Variants in TPR observed in about 807,000 individuals in gnomAD.
TPR encodes the protein nucleoprotein TPR.
A neutral mutation model predicts 316.1 loss-of-function variants in TPR; 51 were observed. The ratio of observed to expected loss-of-function variants is 0.16; its 90% CI spans 0.13 to 0.20. The LOEUF is 0.20. Ranked by LOEUF, TPR falls within the 10% of genes least tolerant of loss-of-function variation. TPR has a pLI of 1.00. For missense variants in TPR, 2,272 were observed against 2,754.8 expected (o/e 0.82, Z 3.92); for synonymous variants, 981 against 914.7 (o/e 1.07, Z -1.31).
rs1307471911 is a variant in TPR, at chr1:186,357,560, C to T, written c.1561G>A (p.Val521Ile). The T allele has an allele frequency of 6.2e-7, 1 of 1,613,966 alleles. No homozygotes were observed. Among genetic ancestry groups the T allele is most frequent in the African/African-American group, 1.3e-5 (1 of 74,892 alleles). The stretch of plus-strand genomic sequence containing the variant: ...GAACTACTTATATCAGCAGAGCTTA[C>T]TTCCTCATCACGAATTACGTGGTTA... ...RGNHVIRDEE[V>I]SSADISSSSE... The change falls in exon 14 of 51, where the codon GTA (valine) becomes ATA (isoleucine). Residue 521 changes from valine to isoleucine, a missense_variant. Val to Ile is a conservative substitution (Grantham distance 29). Coordinates refer to ENST00000367478, the MANE Select transcript of TPR (RefSeq NM_003292.3).
chr1:186,325,708 C>A, intron 42 of TPR, 56 bp downstream of exon 42: 5 of 1,401,542 alleles, frequency 3.6e-6, no homozygotes, highest in Non-Finnish European at 5.0e-6. Context: ...AAGTGCAATT[C>A]TAGTTTAGAA....
At chr1:186,335,624 T>C (rs1402898046) in intron 33 of TPR, 81 bp from the exon 34 acceptor site, 2 of 1,119,320 alleles carry the variant, frequency 1.8e-6, no homozygotes, top group African/African-American at 3.2e-5. Context: ...TGGCACATGG[T>C]CACATCAGAT....
Position 186,351,882 on chromosome 1 carries a change from G to A in TPR, c.2469+94C>T, listed in dbSNP as rs112145113. 6.3e-3 allele frequency: 8,698 copies of A among 1,391,594 alleles called. 49 individuals carry two copies. Among genetic ancestry groups the A allele is most frequent in the Middle Eastern group, 0.01 (41 of 4,066 alleles). 86.2% of individuals were successfully genotyped at this position (1,391,594 alleles called of 1,614,324 possible). The stretch of plus-strand genomic sequence containing the variant: ...GATCATAATGGATGACAAAAGTGAT[G>A]GATAAATTTTCTAATTAAGGAAATT... On this transcript the variant is annotated intron_variant, in intron 19 of 50. Coordinates refer to ENST00000367478, the MANE Select transcript of TPR (RefSeq NM_003292.3).
chr1:186,367,524 T>G (rs1659386949), intron 4 of TPR, among the ~76,000 whole-genome samples: 1 of 152,244 alleles, frequency 6.6e-6, no homozygotes, highest in South Asian at 2.1e-4. Context: ...TATTGAATGC[T>G]TATTATATAG....
chr1:186,364,065 A>G (rs1043077001), intron 4 of TPR, among the ~76,000 whole-genome samples: 1 of 152,196 alleles, frequency 6.6e-6, no homozygotes, highest in Non-Finnish European at 1.5e-5. Context: ...AAATTGCATA[A>G]TGCAGAAAAT....
Position 186,343,773 on chromosome 1 carries a change from T to C in TPR, c.3602+133A>G, listed in dbSNP as rs565270482. On this transcript the variant is annotated intron_variant, in intron 26 of 50. Transcript: ENST00000367478. Reference sequence around the variant, plus strand: ...TAATATGTGTAAATGTTAAAAGTTATGAGTTCTTTGACAAATAAAAGAATG... The same window carrying C: ...TAATATGTGTAAATGTTAAAAGTTACGAGTTCTTTGACAAATAAAAGAATG... 2.2e-4 allele frequency: 200 copies of C among 921,954 alleles called. No homozygotes were observed. The African/African-American group carries it at 3.0e-3, about 14-fold the overall frequency. 57.1% of individuals were successfully genotyped at this position (921,954 alleles called of 1,614,324 possible). A position where few individuals can be genotyped will look rare whatever the true frequency, so the allele number is the denominator to read the frequency against.
Position 186,323,809 on chromosome 1 carries a change from CTGT to C in TPR, c.6171_6173del (p.Gln2058del), listed in dbSNP as rs1356055278. ...CCTGTCTTTCAGATGCTGATGATGG[CTGT>C]TGTTCTCTAGAAACCTCCTGAGAAA... On this transcript the variant is annotated inframe_deletion, in exon 43 of 51. Coordinates refer to ENST00000367478, the MANE Select transcript of TPR (RefSeq NM_003292.3). 6.4e-7 allele frequency: 1 copy of C among 1,554,914 alleles called. No individual in the cohort carries two copies. The highest frequency in any genetic ancestry group is 8.6e-7 in the Non-Finnish European group (1 of 1,159,206).
intron 6 of TPR, 64 bp from the exon 7 acceptor site, chr1:186,362,444 G>C: frequency 1.6e-6 from 2 of 1,284,316 alleles, no homozygotes; most frequent in South Asian, 1.3e-5. Context: ...TCTGACATGA[G>C]GTTTATGCTG....
At chr1:186,346,468 T>A (rs1378570927) in intron 22 of TPR, among the ~76,000 whole-genome samples, 181 bp from the exon 23 acceptor site, 1 of 152,184 alleles carries the variant, frequency 6.6e-6, no homozygotes, top group East Asian at 1.9e-4. Flanking sequence ...CATATAAATC[T>A]ACAAGCATTT....
In TPR at chr1:186,358,586, T is replaced by C; in HGVS notation, c.1454A>G (p.Asp485Gly). ...TACTTGTATTTCCATTCTTCGATTA[T>C]CTCTCTCAAGTACAGATGATTGCTT... is the stretch of plus-strand genomic sequence containing the variant. ...ANKQSSVLER[D>G]NRRMEIQVKD... is the part of the protein sequence containing the mutation. The change falls in exon 13 of 51, where the codon GAT becomes GGT. Residue 485 changes from aspartate to glycine, a missense_variant. Asp to Gly is a moderately conservative substitution (Grantham distance 94). Coordinates refer to ENST00000367478, the MANE Select transcript of TPR (RefSeq NM_003292.3). 6.2e-7 allele frequency: 1 copy of C among 1,612,140 alleles called. No individual in the cohort carries two copies. The highest frequency in any genetic ancestry group is 1.7e-4 in the Middle Eastern group (1 of 6,054).
rs1376851821 is a variant in TPR, at chr1:186,371,100, GT to G, written c.257-58del. The G allele has an allele frequency of 5.3e-6, 7 of 1,333,294 alleles. No homozygotes were observed. The African/African-American group carries it at 1.0e-4, about 19-fold the overall frequency. 82.6% of individuals were successfully genotyped at this position (1,333,294 alleles called of 1,614,324 possible). ...CATTTGCTTAAAACTTGCAATGAGT[GT>G]TTTTATGCAACTGCCAACCTTACAT... On this transcript the variant is annotated intron_variant, in intron 2 of 50. Coordinates refer to ENST00000367478, the MANE Select transcript of TPR (RefSeq NM_003292.3).
intron 12 of TPR, 46 bp downstream of exon 12, chr1:186,359,746 ATCATTTC>A (rs1269908967): frequency 1.6e-5 from 24 of 1,532,196 alleles, no homozygotes; most frequent in Non-Finnish European, 1.7e-5. Context: ...TACCTAGTAA[ATCATTTC>A]TCATTTGTAT....
intron 43 of TPR, 198 bp from the exon 44 acceptor site, chr1:186,322,784 AC>A (rs1156425674): frequency 1.8e-6 from 1 of 557,642 alleles, no homozygotes; most frequent in East Asian, 3.0e-5. Flanking sequence ...TATAATATTA[AC>A]CAATAAAAAT....
At chr1:186,361,543 T>C (rs1659187007) in intron 9 of TPR, 79 bp downstream of exon 9, 3 of 1,387,130 alleles carry the variant, frequency 2.2e-6, no homozygotes, top group African/African-American at 2.9e-5. Flanking sequence ...CTAAATCCAA[T>C]CATCTATACA....
rs765911050 is a variant in TPR at position 186,374,861 on chromosome 1, A to G, written c.151+17T>C. On this transcript the variant is annotated intron_variant, in intron 1 of 50. Coordinates refer to ENST00000367478, the MANE Select transcript of TPR (RefSeq NM_003292.3). ...AGTCGAGCCCAAAACCAAGGACGGAAAGAGCATCTCACTTACCGCTCTCCA... is the reference window on the plus strand; with the variant it reads ...AGTCGAGCCCAAAACCAAGGACGGAGAGAGCATCTCACTTACCGCTCTCCA... 4.4e-6 allele frequency: 7 copies of G among 1,582,946 alleles called. No individual in the cohort carries two copies. Among genetic ancestry groups the G allele is most frequent in the Admixed American group, 3.4e-5 (2 of 58,618 alleles).
At chr1:186,314,253 C>A (rs1657501196) in intron 50 of TPR, 2 of 476,398 alleles carry the variant, frequency 4.2e-6, no homozygotes, top group Non-Finnish European at 7.3e-6. Flanking sequence ...TAAAATTTTA[C>A]ACTTTTACTA....
Position 186,322,319 on chromosome 1 carries a change from G to A in TPR, c.6460C>T (p.His2154Tyr). The A allele has an allele frequency of 1.2e-6, 2 of 1,609,134 alleles. No individual in the cohort carries two copies. Among genetic ancestry groups the A allele is most frequent in the Non-Finnish European group, 1.7e-6 (2 of 1,178,568 alleles). ...HRTDGFAEAI[H>Y]SPQVAGVPRF... is the part of the protein sequence containing the mutation. ...TATGTTTCTCTTTCATTAACTTACTGAATTGCTTCAGCAAATCCATCAGTA... is the reference window on the plus strand; with the variant it reads ...TATGTTTCTCTTTCATTAACTTACTAAATTGCTTCAGCAAATCCATCAGTA... Residue 2154 changes from histidine to tyrosine, a missense_variant and splice_region_variant, in exon 45 of 51, where the codon CAT becomes TAT. Around this residue, in one of 10 missense-constraint regions of TPR, gnomAD observed 88 missense variants for 176.2 expected, o/e 0.50. Transcript: ENST00000367478.
In TPR at chr1:186,312,837, A is replaced by G. The variant is rs770269033; in HGVS notation, c.*1134T>C. ...ACTTCCAAATGTGGTTACCTCAGCT[A>G]TATCACTGCCCAACATCAGAAAACC... On this transcript the variant is annotated 3_prime_UTR_variant, in exon 51 of 51. Transcript: ENST00000367478. 1.9e-6 allele frequency: 3 copies of G among 1,612,034 alleles called. No homozygotes were observed. The highest frequency in any genetic ancestry group is 2.5e-6 in the Non-Finnish European group (3 of 1,178,102).
chr1:186,346,694 A>C (rs1168307151), intron 22 of TPR, among the ~76,000 whole-genome samples: 4 of 152,220 alleles, frequency 2.6e-5, no homozygotes, highest in African/African-American at 7.2e-5. Flanking sequence ...TTCAAAATGA[A>C]CACGGTATCT....
Sources: allele counts gnomAD v4.1 joint callset (sites outside exome capture counted in the v4.1 genomes callset), GRCh38; gene constraint gnomAD v4.1.1; regional missense constraint gnomAD v4.1.1; transcripts MANE v1.5; gene names NCBI Gene and HGNC (gene_info 2026-07-23, HGNC 2026-07-21).